ALK: variants seen among roughly 807,000 people sequenced by gnomAD.
ALK encodes the protein ALK tyrosine kinase receptor.
A neutral mutation model predicts 163.1 loss-of-function variants in ALK; 74 were observed. The ratio of observed to expected loss-of-function variants is 0.45; its 90% CI spans 0.38 to 0.55. The LOEUF (loss-of-function observed/expected upper bound fraction) is 0.55, where lower values mean the gene tolerates loss of function less well. Ranked by LOEUF, ALK falls within the 20% of genes least tolerant of loss-of-function variation. The pLI is 0.00. For missense variants in ALK, 2,063 were observed against 2,105.3 expected (o/e 0.98, Z 0.39); for synonymous variants, 960 against 843.2 (o/e 1.14, Z -2.40).
In ALK at chr2:29,734,008, TGTCA is replaced by T. The variant is rs146772612; in HGVS notation, c.668-16315_668-16312del. Among the ~76,000 whole-genome samples the T allele has an allele frequency of 9.2e-3, 1,397 of 152,222 alleles. 28 individuals carry two copies. Among genetic ancestry groups the T allele is most frequent in the African/African-American group, 0.031 (1,269 of 41,524 alleles). ...AGTTGCTTGTAATGCTTACAAAAGC[TGTCA>T]GTCTGCGAGCCAGCAAAGCATACAT... On this transcript the variant is annotated intron_variant, in intron 1 of 28. Transcript: ENST00000389048.
At chr2:29,854,655 C>G (rs1666092086) in intron 1 of ALK, among the ~76,000 whole-genome samples, 1 of 152,214 alleles carries the variant, frequency 6.6e-6, no homozygotes, top group Non-Finnish European at 1.5e-5. Context: ...CACTGTTGGA[C>G]TTTAAGGTTG....
intron 3 of ALK, among the ~76,000 whole-genome samples, chr2:29,684,672 C>T (rs1678185162): frequency 6.6e-6 from 1 of 152,220 alleles, no homozygotes; most frequent in Non-Finnish European, 1.5e-5. Context: ...ACAAAGCGGA[C>T]ACCCCAGTAT....
intron 3 of ALK, among the ~76,000 whole-genome samples, chr2:29,568,762 C>G (rs1449258961): frequency 6.6e-6 from 1 of 152,140 alleles, no homozygotes; most frequent in Admixed American, 6.5e-5. Flanking sequence ...GCTCTTCTCC[C>G]CTTTGGGGTC....
chr2:29,859,578 A>C (rs1184674869), intron 1 of ALK, among the ~76,000 whole-genome samples: 1 of 152,222 alleles, frequency 6.6e-6, no homozygotes, highest in Non-Finnish European at 1.5e-5. Flanking sequence ...GTGGAAGAAG[A>C]AAACCTGAGT....
intron 5 of ALK, among the ~76,000 whole-genome samples, chr2:29,340,418 C>T (rs957818575): frequency 2.0e-5 from 3 of 152,120 alleles, no homozygotes; most frequent in African/African-American, 7.2e-5. Flanking sequence ...GGTAGTGGCC[C>T]CTTGAGACAC....
chr2:29,547,902 A>G (rs7564280), intron 3 of ALK, among the ~76,000 whole-genome samples: 18,739 of 152,288 alleles, frequency 0.12, 1,513 homozygotes, highest in Non-Finnish European at 0.19. Flanking sequence ...TTTCACATTA[A>G]TAACGAACAA....
chr2:29,704,803 A>G (rs1678847299), intron 2 of ALK, among the ~76,000 whole-genome samples: 1 of 152,136 alleles, frequency 6.6e-6, no homozygotes, highest in Non-Finnish European at 1.5e-5. Flanking sequence ...GCAAAGGGGA[A>G]AGTTCACTAG....
At chr2:29,581,779 C>G (rs1416443080) in intron 3 of ALK, among the ~76,000 whole-genome samples, 2 of 152,200 alleles carry the variant, frequency 1.3e-5, no homozygotes, top group African/African-American at 4.8e-5. Context: ...TCTCTTCTTA[C>G]TTCTTTCTTT....
intron 1 of ALK, among the ~76,000 whole-genome samples, chr2:29,778,103 T>C (rs1681228916): frequency 6.6e-6 from 1 of 152,182 alleles, no homozygotes; most frequent in Admixed American, 6.5e-5. Context: ...GCTCCAGTTA[T>C]CCTCCCCAGG....
At chr2:29,509,622 C>A (rs898593623) in intron 4 of ALK, among the ~76,000 whole-genome samples, 1 of 152,178 alleles carries the variant, frequency 6.6e-6, no homozygotes, top group African/African-American at 2.4e-5. Flanking sequence ...CATCAAAGAA[C>A]CATGACTCAC....
At chr2:29,558,966 ATAATTT>A (rs958748221) in intron 3 of ALK, among the ~76,000 whole-genome samples, 1 of 152,172 alleles carries the variant, frequency 6.6e-6, no homozygotes, top group Non-Finnish European at 1.5e-5. Context: ...AGGGTAGACT[ATAATTT>A]TCTGTCCATA....
At chr2:29,661,726 G>T (rs1052490073) in intron 3 of ALK, among the ~76,000 whole-genome samples, 3 of 152,106 alleles carry the variant, frequency 2.0e-5, no homozygotes, top group Admixed American at 6.6e-5. Context: ...TCTGACTCTG[G>T]TCCTTGTGTT....
At chr2:29,649,340 G>A (rs914546791) in intron 3 of ALK, among the ~76,000 whole-genome samples, 4 of 151,778 alleles carry the variant, frequency 2.6e-5, no homozygotes, top group Admixed American at 6.6e-5. Flanking sequence ...CCTCACCACC[G>A]ACCTTTGTTT....
At chr2:29,704,127 T>C (rs1025207393) in intron 2 of ALK, among the ~76,000 whole-genome samples, 1 of 152,122 alleles carries the variant, frequency 6.6e-6, no homozygotes, top group African/African-American at 2.4e-5. Context: ...TGAAACATCA[T>C]GCATACACGG....
At chr2:29,475,194 C>CT (rs1362219116) in intron 4 of ALK, among the ~76,000 whole-genome samples, 1 of 151,882 alleles carries the variant, frequency 6.6e-6, no homozygotes, top group Admixed American at 6.6e-5. Context: ...GTCAGAGGCC[C>CT]TGTAGCCTGT....
intron 1 of ALK, among the ~76,000 whole-genome samples, chr2:29,838,792 C>T (rs887721056): frequency 6.6e-6 from 1 of 152,048 alleles, no homozygotes; most frequent in Non-Finnish European, 1.5e-5. Flanking sequence ...GCATGAGGAA[C>T]CTTTCTGTGA....
At chr2:29,747,656 A>G (rs946740919) in intron 1 of ALK, among the ~76,000 whole-genome samples, 1 of 152,232 alleles carries the variant, frequency 6.6e-6, no homozygotes, top group Admixed American at 6.5e-5. Context: ...ATTTCCAGTA[A>G]TGGAAAGAGC....
intron 3 of ALK, among the ~76,000 whole-genome samples, chr2:29,548,614 G>T (rs1328278274): frequency 5.3e-5 from 8 of 152,234 alleles, no homozygotes. Flanking sequence ...CGCAGCGAAG[G>T]CTTCTGTTGT....
intron 1 of ALK, among the ~76,000 whole-genome samples, chr2:29,868,850 T>G (rs1353692696): frequency 2.0e-5 from 1 of 50,036 alleles, no homozygotes; most frequent in African/African-American, 7.0e-5. Context: ...ACATAGCTAC[T>G]GAGGTAACAT....
Sources: gnomAD v4.1 joint callset for allele counts (sites outside exome capture counted in the v4.1 genomes callset) on GRCh38, gnomAD v4.1.1 for gene constraint, MANE v1.5 for transcripts, NCBI Gene and HGNC (gene_info 2026-07-23, HGNC 2026-07-21) for gene names.